The following TPRKB variants were observed in gnomAD, a reference collection of about 807,000 sequenced individuals.
The protein encoded by TPRKB is TP53RK binding protein.
A neutral mutation model predicts 17.8 loss-of-function variants in TPRKB; 11 were observed. The ratio of observed to expected loss-of-function variants is 0.62; its 90% CI spans 0.39 to 1.02. The LOEUF is 1.02. Among genes scored for constraint, TPRKB ranks in the 50% least tolerant of loss-of-function variants. TPRKB has a pLI of 0.00. For synonymous variants in TPRKB, 71 were observed against 69.5 expected (o/e 1.02, Z -0.11); for missense variants, 228 against 198.0 (o/e 1.15, Z -0.91).
chr2:73,730,156 A>T (rs1671531838), intron 4 of TPRKB, 127 bp from the exon 5 acceptor site: 9 of 1,114,290 alleles, frequency 8.1e-6, no homozygotes, highest in Non-Finnish European at 9.7e-6. Context: ...AACAAACAAC[A>T]AATGTGATTA....
intron 1 of TPRKB, 105 bp from the exon 2 acceptor site, chr2:73,734,696 T>C: frequency 9.3e-7 from 1 of 1,075,600 alleles, no homozygotes; most frequent in Admixed American, 3.0e-5. Context: ...GATAAAAGTG[T>C]TAAACTAGAA....
intron 2 of TPRKB, among the ~76,000 whole-genome samples, chr2:73,733,053 G>C (rs1458750495): frequency 6.6e-6 from 1 of 152,122 alleles, no homozygotes; most frequent in Non-Finnish European, 1.5e-5. Flanking sequence ...CATTTTATTT[G>C]TTAGAGACCG....
intron 3 of TPRKB, 91 bp from the exon 4 acceptor site, chr2:73,730,827 T>C: frequency 1.1e-6 from 1 of 940,494 alleles, no homozygotes; most frequent in Non-Finnish European, 1.5e-6. Flanking sequence ...TCTTCCTTGG[T>C]CAGGCTCTTA....
intron 1 of TPRKB, among the ~76,000 whole-genome samples, chr2:73,735,716 T>C (rs373415657): frequency 1.9e-4 from 29 of 152,318 alleles, no homozygotes; most frequent in African/African-American, 7.0e-4. Flanking sequence ...AAACTATGTA[T>C]TGCAAAAATT....
chr2:73,734,848 A>G (rs1219499692), intron 1 of TPRKB, among the ~76,000 whole-genome samples: 1 of 152,200 alleles, frequency 6.6e-6, no homozygotes, highest in African/African-American at 2.4e-5. Context: ...GCTCAGGTGC[A>G]TGGTTGAAGG....
Position 73,734,493 on chromosome 2 carries a change from G to A in TPRKB, c.77C>T (p.Ala26Val), listed in dbSNP as rs751970441. 108 of 1,613,860 alleles carry A rather than the reference G, an allele frequency of 6.7e-5. No individual in the cohort carries two copies. The highest frequency in any genetic ancestry group is 4.9e-4 in the Middle Eastern group (3 of 6,062). Residue 26 changes from alanine (A) to valine (V), a missense_variant, in exon 2 of 5, where the codon GCG (alanine) becomes GTG (valine). Coordinates refer to ENST00000272424, the MANE Select transcript of TPRKB (RefSeq NM_016058.5). The stretch of plus-strand genomic sequence containing the variant: ...CATGGCCTTTCTTCTCAAGTCTCCC[G>A]CATTTTTTACATCTTTAAATAACAG... ...TLLLFKDVKN[A>V]GDLRRKAMEG... is the part of the protein sequence containing the mutation.
intron 3 of TPRKB, chr2:73,731,069 G>A (rs1671588656): frequency 5.3e-6 from 1 of 187,960 alleles, no homozygotes; most frequent in African/African-American, 2.3e-5. Flanking sequence ...TGGGGATCCA[G>A]TCACATTTCA....
intron 3 of TPRKB, chr2:73,731,261 T>A (rs1483509434): frequency 6.6e-6 from 1 of 152,336 alleles, no homozygotes; most frequent in Non-Finnish European, 1.5e-5. Context: ...TTTCCCATTA[T>A]ATCATTTATC....
chr2:73,730,743 G>GA lies in TPRKB; in HGVS notation c.265-8dup, dbSNP rs761115005. 2.9e-5 allele frequency: 41 copies of GA among 1,430,994 alleles called. No individual in the cohort carries two copies. The highest frequency in any genetic ancestry group is 9.1e-5 in the African/African-American group (6 of 66,242). The allele number at this position is 1,430,994 out of a possible 1,614,324, so 88.6% of individuals were successfully genotyped here. A position where few individuals can be genotyped will look rare whatever the true frequency, so the allele number is the denominator to read the frequency against. On this transcript the variant is annotated splice_polypyrimidine_tract_variant and splice_region_variant and intron_variant, in intron 3 of 4. Transcript: ENST00000272424. ...TTTTCAAAGCCTCTGAAATCTAAGAGAAAAAAAATGAAAAAAAAAACACAA... is the reference window on the plus strand; with the variant it reads ...TTTTCAAAGCCTCTGAAATCTAAGAGAAAAAAAAATGAAAAAAAAAACACAA...
chr2:73,734,263 T>A (rs1671773987), intron 2 of TPRKB, among the ~76,000 whole-genome samples, 166 bp downstream of exon 2: 1 of 151,904 alleles, frequency 6.6e-6, no homozygotes, highest in Admixed American at 6.6e-5. Context: ...CACGCCCAGC[T>A]AATTTTTGTA....
chr2:73,730,326 G>C (rs1412861485), intron 4 of TPRKB: 1 of 437,086 alleles, frequency 2.3e-6, no homozygotes, highest in Non-Finnish European at 3.9e-6. Flanking sequence ...GATATTTAAA[G>C]GTATTCTCTT....
chr2:73,729,937 G>T lies in TPRKB; in HGVS notation c.*6C>A. On this transcript the variant is annotated 3_prime_UTR_variant, in exon 5 of 5. Coordinates refer to ENST00000272424, the MANE Select transcript of TPRKB (RefSeq NM_016058.5). ...GCTGAGAATTTTTGTTAATATTTCT[G>T]ACATTTCATAAAACATCTTTTGTTG... The T allele has an allele frequency of 6.5e-7, 1 of 1,535,752 alleles. No homozygotes were observed. Among genetic ancestry groups the T allele is most frequent in the Non-Finnish European group, 8.8e-7 (1 of 1,135,094 alleles).
Position 73,729,908 on chromosome 2 carries a change from T to TA in TPRKB, c.*34dup. 1 of 1,497,460 alleles carries TA rather than the reference T, an allele frequency of 6.7e-7. No homozygotes were observed. The highest frequency in any genetic ancestry group is 9.0e-7 in the Non-Finnish European group (1 of 1,110,420). The allele number at this position is 1,497,460 out of a possible 1,614,324, so 92.8% of individuals were successfully genotyped here. ...AGGAAAGGAAAATCAATGTTTTCTT[T>TA]AATGCTGAGAATTTTTGTTAATATT... On this transcript the variant is annotated 3_prime_UTR_variant, in exon 5 of 5. Transcript: ENST00000272424.
chr2:73,730,916 A>G, intron 3 of TPRKB, 180 bp from the exon 4 acceptor site: 1 of 477,032 alleles, frequency 2.1e-6, no homozygotes, highest in Non-Finnish European at 3.6e-6. Context: ...GCACTTCCTC[A>G]AAAGCACTCC....
intron 3 of TPRKB, among the ~76,000 whole-genome samples, chr2:73,731,546 T>C (rs528786975): frequency 6.6e-6 from 1 of 152,364 alleles, no homozygotes; most frequent in Admixed American, 6.5e-5. Context: ...TTCCTGTAGA[T>C]GACATTAGTA....
chr2:73,730,944 T>C, intron 3 of TPRKB: 1 of 408,170 alleles, frequency 2.4e-6, no homozygotes, highest in South Asian at 4.5e-5. Flanking sequence ...AAGGTACGCC[T>C]TGTTCCTATG....
intron 2 of TPRKB, among the ~76,000 whole-genome samples, chr2:73,733,927 C>G (rs578258796): frequency 6.7e-6 from 1 of 149,042 alleles, no homozygotes; most frequent in African/African-American, 2.5e-5. Flanking sequence ...AAGCGATTCT[C>G]CTGCCTCAGT....
At chr2:73,731,150 A>T (rs1037555021) in intron 3 of TPRKB, 3 of 155,246 alleles carry the variant, frequency 1.9e-5, no homozygotes, top group African/African-American at 7.2e-5. Context: ...TGGCTGCTGA[A>T]CACATGCTTC....
At chr2:73,734,354 C>A in intron 2 of TPRKB, 75 bp downstream of exon 2, 1 of 1,484,644 alleles carries the variant, frequency 6.7e-7, no homozygotes, top group South Asian at 1.3e-5. Flanking sequence ...CCGCCTCGGC[C>A]TCCTAAAGTG....
Sources: gnomAD v4.1 joint callset for allele counts (sites outside exome capture counted in the v4.1 genomes callset) on GRCh38, gnomAD v4.1.1 for gene constraint, MANE v1.5 for transcripts, NCBI Gene and HGNC (gene_info 2026-07-23, HGNC 2026-07-21) for gene names.